DLGAP1: variants seen among roughly 807,000 people sequenced by gnomAD.
DLGAP1 encodes disks large-associated protein 1.
Under a neutral mutation model 90.8 loss-of-function variants are expected in DLGAP1, and 11 were observed. The ratio of observed to expected loss-of-function variants is 0.12; its 90% CI spans 0.08 to 0.20. The LOEUF is 0.20. Ranked by LOEUF, DLGAP1 falls within the 10% of genes least tolerant of loss-of-function variation. The pLI is 1.00. For missense variants in DLGAP1, 1,050 were observed against 1,333.8 expected (o/e 0.79, Z 3.31); for synonymous variants, 558 against 540.7 (o/e 1.03, Z -0.44).
At chr18:3,687,721 A>G (rs1041573393) in intron 7 of DLGAP1, among the ~76,000 whole-genome samples, 3 of 152,198 alleles carry the variant, frequency 2.0e-5, no homozygotes, top group Non-Finnish European at 4.4e-5. Context: ...ACTTTCATAG[A>G]AAAAACTCAG....
At chr18:4,145,813 G>A (rs2076576652) in intron 2 of DLGAP1, among the ~76,000 whole-genome samples, 1 of 152,134 alleles carries the variant, frequency 6.6e-6, no homozygotes, top group Admixed American at 6.5e-5. Context: ...TTGCCTTGAA[G>A]AATCTTTATT....
At chr18:4,340,867 T>C (rs2081174007) in intron 1 of DLGAP1, among the ~76,000 whole-genome samples, 1 of 149,432 alleles carries the variant, frequency 6.7e-6, no homozygotes, top group Admixed American at 6.7e-5. Flanking sequence ...TAAGCAGCTC[T>C]CTCTGAATAA....
chr18:4,453,062 T>C (rs2083874291), intron 1 of DLGAP1, among the ~76,000 whole-genome samples: 1 of 152,166 alleles, frequency 6.6e-6, no homozygotes, highest in Non-Finnish European at 1.5e-5. Flanking sequence ...GTAACTAACA[T>C]TTTCTCTTAA....
intron 3 of DLGAP1, among the ~76,000 whole-genome samples, chr18:3,948,966 T>C (rs2148961265): frequency 6.6e-6 from 1 of 152,202 alleles, no homozygotes; most frequent in South Asian, 2.1e-4. Context: ...TAAGAAAAAC[T>C]ACATCATTAT....
At chr18:4,369,412 T>C (rs1388035180) in intron 1 of DLGAP1, among the ~76,000 whole-genome samples, 1 of 152,180 alleles carries the variant, frequency 6.6e-6, no homozygotes, top group East Asian at 1.9e-4. Context: ...ATTATAATTG[T>C]AATCAAGGAC....
At chr18:3,977,586 G>A (rs6506150) in intron 3 of DLGAP1, 13,953 of 205,904 alleles carry the variant, frequency 0.068, 1,057 homozygotes, top group African/African-American at 0.22. Flanking sequence ...GAGTGCGGCA[G>A]GGACTCCCCC....
intron 3 of DLGAP1, among the ~76,000 whole-genome samples, chr18:3,917,929 T>C (rs1025708965): frequency 4.6e-5 from 7 of 152,094 alleles, no homozygotes; most frequent in African/African-American, 1.4e-4. Flanking sequence ...GTGAAGACTG[T>C]AGAAAGGAGA....
intron 2 of DLGAP1, among the ~76,000 whole-genome samples, chr18:4,117,013 G>A (rs1055644035): frequency 6.6e-6 from 1 of 152,196 alleles, no homozygotes; most frequent in African/African-American, 2.4e-5. Flanking sequence ...GCCTTTCAAA[G>A]AGGTAATTAG....
intron 3 of DLGAP1, among the ~76,000 whole-genome samples, chr18:3,921,203 C>T (rs1165172190): frequency 6.6e-6 from 1 of 152,182 alleles, no homozygotes; most frequent in Non-Finnish European, 1.5e-5. Context: ...TGGTCATTTT[C>T]TACCTGGGCA....
intron 2 of DLGAP1, among the ~76,000 whole-genome samples, chr18:4,060,708 G>A (rs1273585837): frequency 6.6e-6 from 1 of 152,024 alleles, no homozygotes; most frequent in Non-Finnish European, 1.5e-5. Flanking sequence ...AGTTATCAAG[G>A]TAAATAAGTA....
At chr18:3,601,061 GATATATAGAT>G (rs2056990765) in intron 7 of DLGAP1, among the ~76,000 whole-genome samples, 1 of 147,322 alleles carries the variant, frequency 6.8e-6, no homozygotes, top group African/African-American at 2.5e-5. Flanking sequence ...TAGATATATA[GATATATAGAT>G]ATATAGATAG....
At chr18:3,519,970 A>C (rs1000239292) in intron 10 of DLGAP1, among the ~76,000 whole-genome samples, 2 of 152,192 alleles carry the variant, frequency 1.3e-5, no homozygotes, top group Admixed American at 1.3e-4. Context: ...AGGTGTGGCA[A>C]ACCACCCTGG....
chr18:3,879,234 A>T lies in DLGAP1; in HGVS notation c.835T>A (p.Trp279Arg), dbSNP rs1286624928. The change falls in exon 4 of 13, where the codon TGG becomes AGG. Residue 279 changes from tryptophan to arginine, a missense_variant. Transcript: ENST00000315677. This position sits in a 1 kb window ranked among gnomAD's most constrained non-coding sequence, Gnocchi z 6.6. ...CGGCTCACGGTGAGCGTGGAGGACC[A>T]GGCGCTCTTCTTCAGCAGCGGGGTG... The part of the protein sequence containing the change: ...LDTPLLKKSA[W>R]SSTLTVSRAR... The T allele has an allele frequency of 6.3e-7, 1 of 1,594,236 alleles. No homozygotes were observed.
rs111236115 is a variant in DLGAP1 at position 4,441,905 on chromosome 18, G to A, written c.-267+13101C>T. Among the ~76,000 whole-genome samples, 493 of 152,330 alleles carry A rather than the reference G, an allele frequency of 3.2e-3. 4 individuals carry two copies. Among genetic ancestry groups the A allele is most frequent in the Middle Eastern group, 0.017 (5 of 294 alleles). On this transcript the variant is annotated intron_variant, in intron 1 of 12. Transcript: ENST00000315677. ...GCATCAGCAGAATATAGAGCCTAGC[G>A]CTAACAGACCTTCGTTCAATTATCA...
chr18:4,429,936 A>G (rs1029266038), intron 1 of DLGAP1, among the ~76,000 whole-genome samples: 6 of 152,240 alleles, frequency 3.9e-5, no homozygotes, highest in Non-Finnish European at 8.8e-5. Context: ...AATGAAAAAA[A>G]GCAAGTGGCA....
intron 2 of DLGAP1, among the ~76,000 whole-genome samples, chr18:4,018,489 G>A (rs2074558035): frequency 6.6e-6 from 1 of 152,244 alleles, no homozygotes; most frequent in Non-Finnish European, 1.5e-5. Flanking sequence ...GGCAGAACGA[G>A]TACCTTGGCT....
chr18:4,322,376 G>T (rs761079665), intron 1 of DLGAP1, among the ~76,000 whole-genome samples: 17 of 152,068 alleles, frequency 1.1e-4, no homozygotes, highest in Non-Finnish European at 1.5e-4. Context: ...AAGGTGCCAA[G>T]AATACATAAT....
At chr18:3,881,826 T>C (rs1333675795) in intron 3 of DLGAP1, among the ~76,000 whole-genome samples, 1 of 152,014 alleles carries the variant, frequency 6.6e-6, no homozygotes, top group Non-Finnish European at 1.5e-5. Flanking sequence ...GGCAGGAGAA[T>C]GGCATAAACC....
intron 1 of DLGAP1, chr18:4,295,491 T>C (rs1237431114): frequency 6.6e-6 from 1 of 152,184 alleles, no homozygotes; most frequent in Non-Finnish European, 1.5e-5. Flanking sequence ...AAAAAGATTG[T>C]TGAGATACTA....
Sources: gnomAD v4.1 joint callset for allele counts (sites outside exome capture counted in the v4.1 genomes callset) on GRCh38, gnomAD v4.1.1 for gene constraint, Gnocchi (gnomAD v3.1) non-coding constraint, MANE v1.5 for transcripts, NCBI Gene and HGNC (gene_info 2026-07-23, HGNC 2026-07-21) for gene names.